Variants in PDE4D observed in about 807,000 individuals in gnomAD.
PDE4D encodes 3',5'-cyclic-AMP phosphodiesterase 4D.
PDE4D carries 24 observed loss-of-function variants against 87.4 expected under a neutral mutation model. The observed-to-expected ratio is 0.27, with a 90% CI of 0.20 to 0.39. The LOEUF is 0.39. Ranked by LOEUF, PDE4D falls within the 10% of genes least tolerant of loss-of-function variation. The pLI, the probability that PDE4D is intolerant of heterozygous loss-of-function variation, is 1.00. For synonymous variants in PDE4D, 384 were observed against 383.2 expected, an observed-to-expected ratio of 1.00 and a Z score of -0.02; for missense variants, 714 against 1,041.0, an observed-to-expected ratio of 0.69 and a Z score of 4.32.
At chr5:59,062,801 T>C (rs954511517) in intron 5 of PDE4D, among the ~76,000 whole-genome samples, 2 of 149,564 alleles carry the variant, frequency 1.3e-5, no homozygotes, top group Admixed American at 1.4e-4. Flanking sequence ...ACAGTGGCAA[T>C]GAATAATTCA....
At chr5:59,406,094 G>C (rs1197477955) in intron 1 of PDE4D, among the ~76,000 whole-genome samples, 1 of 152,092 alleles carries the variant, frequency 6.6e-6, no homozygotes, top group African/African-American at 2.4e-5. Context: ...AGAATAGTTT[G>C]AGTAGGATTG....
At chr5:59,708,044 A>C (rs945182293) in intron 1 of PDE4D, among the ~76,000 whole-genome samples, 7 of 152,196 alleles carry the variant, frequency 4.6e-5, no homozygotes, top group African/African-American at 1.4e-4. Flanking sequence ...ACAGTCTTCC[A>C]TAATGGTTGA....
chr5:60,074,421 G>A (rs1056013143), intron 2 of PDE4D, among the ~76,000 whole-genome samples: 3 of 151,932 alleles, frequency 2.0e-5, no homozygotes, highest in African/African-American at 7.2e-5. Context: ...ATTGTCTAAA[G>A]TCTGATTATG....
chr5:60,374,956 T>C (rs1474762750), intron 1 of PDE4D, among the ~76,000 whole-genome samples: 2 of 152,174 alleles, frequency 1.3e-5, no homozygotes, highest in Non-Finnish European at 2.9e-5. Context: ...AAATATATTA[T>C]TGCATGTTTT....
intron 2 of PDE4D, among the ~76,000 whole-genome samples, chr5:60,014,255 T>A (rs990195038): frequency 2.6e-5 from 4 of 152,112 alleles, no homozygotes; most frequent in Admixed American, 2.0e-4. Flanking sequence ...ATTGACTAAA[T>A]GTAGCCACGT....
chr5:59,901,923 A>AACACACACACACACAC (rs59453461), intron 3 of PDE4D, among the ~76,000 whole-genome samples: 1 of 134,262 alleles, frequency 7.4e-6, no homozygotes, highest in Non-Finnish European at 1.6e-5. Flanking sequence ...CTTACATGCA[A>AACACACACACACACAC]ACACACACAC....
In PDE4D at chr5:58,969,512, G is replaced by A. The variant is rs1248662320; in HGVS notation, c.*5152C>T. On this transcript the variant is annotated 3_prime_UTR_variant, in exon 15 of 15. Coordinates refer to ENST00000340635, the MANE Select transcript of PDE4D (RefSeq NM_001104631.2). ...CCTAGTTACCTCTTACAATCCTTCA[G>A]AACTCAGATGCAAATCACTTTCTCA... 6.6e-6 allele frequency: 1 copy of A among 152,112 alleles called. No homozygotes were observed. Among genetic ancestry groups the A allele is most frequent in the East Asian group, 1.9e-4 (1 of 5,192 alleles). The allele number at this position is 152,112 out of a possible 1,614,324, so 9.4% of individuals were successfully genotyped here. A position where few individuals can be genotyped will look rare whatever the true frequency, so the allele number is the denominator to read the frequency against.
chr5:59,728,247 TGAACATAATATAAAAGG>T (rs1213888000), intron 1 of PDE4D, among the ~76,000 whole-genome samples: 2 of 152,078 alleles, frequency 1.3e-5, no homozygotes, highest in Non-Finnish European at 2.9e-5. Context: ...CATGGTAATA[TGAACATAATATAAAAGG>T]GAACATAGTA....
intron 1 of PDE4D, among the ~76,000 whole-genome samples, chr5:60,231,373 C>G (rs890313817): frequency 6.6e-6 from 1 of 151,842 alleles, no homozygotes; most frequent in Admixed American, 6.6e-5. Context: ...AAGATATAAA[C>G]TTTGTGGCAA....
chr5:60,041,494 T>G (rs1225886946), intron 2 of PDE4D, among the ~76,000 whole-genome samples: 1 of 152,166 alleles, frequency 6.6e-6, no homozygotes, highest in Non-Finnish European at 1.5e-5. Context: ...ATAAGTGAAT[T>G]ACAGTGGCTG....
intron 1 of PDE4D, among the ~76,000 whole-genome samples, chr5:59,701,353 C>G (rs73758861): frequency 0.011 from 1,638 of 152,222 alleles, 24 homozygotes; most frequent in African/African-American, 0.038. Flanking sequence ...TATTTGCTTC[C>G]CCTGCTCCAA....
At chr5:59,858,977 A>G (rs559672523) in intron 1 of PDE4D, among the ~76,000 whole-genome samples, 31 of 152,338 alleles carry the variant, frequency 2.0e-4, no homozygotes, top group African/African-American at 7.5e-4. Flanking sequence ...AACACTGCAC[A>G]AGTACTGAAG....
chr5:59,828,658 A>T (rs1770613081), intron 1 of PDE4D, among the ~76,000 whole-genome samples: 1 of 152,000 alleles, frequency 6.6e-6, no homozygotes, highest in Admixed American at 6.6e-5. Context: ...GTACTGGCAA[A>T]CCTCAGCAAG....
chr5:59,071,201 T>C (rs1220292182), intron 5 of PDE4D, among the ~76,000 whole-genome samples: 1 of 152,202 alleles, frequency 6.6e-6, no homozygotes, highest in South Asian at 2.1e-4. Context: ...TGATTTTTGA[T>C]CCTTCTATAC....
intron 1 of PDE4D, among the ~76,000 whole-genome samples, chr5:59,512,505 T>C (rs968112349): frequency 1.3e-5 from 2 of 152,158 alleles, no homozygotes; most frequent in Admixed American, 1.3e-4. Flanking sequence ...AGAAGATGAA[T>C]AGATGAATGA....
chr5:59,312,947 A>C lies in PDE4D; in HGVS notation c.456-96979T>G, dbSNP rs1206235260. Among the ~76,000 whole-genome samples the C allele has an allele frequency of 2.6e-5, 4 of 152,120 alleles. No homozygotes were observed. The East Asian group carries it at 7.7e-4, about 29-fold the overall frequency. On this transcript the variant is annotated intron_variant, in intron 1 of 14. Coordinates refer to ENST00000340635, the MANE Select transcript of PDE4D (RefSeq NM_001104631.2). The stretch of plus-strand genomic sequence containing the variant: ...GAATTTTCCAAATGGGCCAAATGGG[A>C]GGAAGCCCCACACAGCCTGCCCTCT...
At chr5:59,210,770 T>C (rs541264144) in intron 2 of PDE4D, among the ~76,000 whole-genome samples, 1 of 152,214 alleles carries the variant, frequency 6.6e-6, no homozygotes, top group African/African-American at 2.4e-5. Context: ...TATGTGTTGG[T>C]GTTAATTTAA....
chr5:60,260,395 A>T (rs966658532), intron 1 of PDE4D, among the ~76,000 whole-genome samples: 21 of 152,008 alleles, frequency 1.4e-4, no homozygotes, highest in African/African-American at 4.8e-4. Context: ...TTTATTTTTT[A>T]AAAAAATCAC....
intron 5 of PDE4D, among the ~76,000 whole-genome samples, chr5:59,081,047 C>T (rs1433448965): frequency 6.6e-6 from 1 of 152,112 alleles, no homozygotes; most frequent in East Asian, 1.9e-4. Flanking sequence ...TTAATAGTCA[C>T]ATTATTGATT....
Sources: gnomAD v4.1 joint callset for allele counts (sites outside exome capture counted in the v4.1 genomes callset) on GRCh38, gnomAD v4.1.1 for gene constraint, MANE v1.5 for transcripts, NCBI Gene and HGNC (gene_info 2026-07-23, HGNC 2026-07-21) for gene names.